The following DOCK8 variants were observed in gnomAD, a reference collection of about 807,000 sequenced individuals.
DOCK8 encodes dedicator of cytokinesis 8.
A neutral mutation model predicts 245.6 loss-of-function variants in DOCK8; 141 were observed. The observed-to-expected ratio is 0.57, with a 90% CI of 0.50 to 0.66. DOCK8 has a LOEUF of 0.66. Among genes scored for constraint, DOCK8 ranks in the 30% least tolerant of loss-of-function variants. The probability of loss-of-function intolerance (pLI) is 0.00; values close to 1 mark genes in which losing one functional copy is unlikely to be tolerated. For synonymous variants in DOCK8, 1,168 were observed against 970.2 expected, an observed-to-expected ratio of 1.20 and a Z score of -3.79; for missense variants, 2,965 against 2,603.4, an observed-to-expected ratio of 1.14 and a Z score of -3.02.
chr9:390,336 GCCT>G lies in DOCK8; in HGVS notation c.2875-134_2875-132del, dbSNP rs2054134928. Reference sequence around the variant, plus strand: ...CTGACTTTGCCATCCACCACTTACTGCCTAGAACATCTAAGACACATGCTTCAG... The same window carrying G: ...CTGACTTTGCCATCCACCACTTACTGAGAACATCTAAGACACATGCTTCAG... On this transcript the variant is annotated intron_variant, in intron 23 of 47. Transcript: ENST00000432829. 1.1e-5 allele frequency: 9 copies of G among 815,560 alleles called. No individual in the cohort carries two copies. The South Asian group carries it at 1.3e-4, about 12-fold the overall frequency. 50.5% of individuals were successfully genotyped at this position (815,560 alleles called of 1,614,324 possible). A position where few individuals can be genotyped will look rare whatever the true frequency, so the allele number is the denominator to read the frequency against.
chr9:404,201 A>G (rs2055309128), intron 26 of DOCK8, among the ~76,000 whole-genome samples: 1 of 151,436 alleles, frequency 6.6e-6, no homozygotes, highest in African/African-American at 2.4e-5. Flanking sequence ...TGGGTCTTTC[A>G]GTTGTTCAGC....
Position 428,388 on chromosome 9 carries a change from C to T in DOCK8, c.4365C>T (p.Asp1455=), listed in dbSNP as rs1334534931. 4.3e-6 allele frequency: 7 copies of T among 1,614,074 alleles called. No individual in the cohort carries two copies. Among genetic ancestry groups the T allele is most frequent in the Non-Finnish European group, 5.9e-6 (7 of 1,180,048 alleles). The part of the protein sequence containing the change: ...IQASSALDCK[D]SLLGGVLRVL... Reference sequence around the variant, plus strand: ...CGAGCTCGGCTCTGGACTGTAAAGACAGCCTGCTGGGAGGTGTTCTGAGGG... The same window carrying T: ...CGAGCTCGGCTCTGGACTGTAAAGATAGCCTGCTGGGAGGTGTTCTGAGGG... Residue 1455 remains aspartate (D), a synonymous_variant, in exon 35 of 48, where the codon GAC becomes GAT. Transcript: ENST00000432829.
At chr9:317,539 A>G (rs994391144) in intron 7 of DOCK8, among the ~76,000 whole-genome samples, 6 of 152,338 alleles carry the variant, frequency 3.9e-5, no homozygotes, top group East Asian at 1.9e-4. Context: ...GAAAGTATTT[A>G]CAATGTAGAA....
At chr9:301,328 G>T (rs1377075550) in intron 4 of DOCK8, among the ~76,000 whole-genome samples, 2 of 152,142 alleles carry the variant, frequency 1.3e-5, no homozygotes, top group Non-Finnish European at 2.9e-5. Context: ...ATTAGGCATT[G>T]AAAGAACATA....
chr9:339,919 C>T (rs2051497078), intron 13 of DOCK8, among the ~76,000 whole-genome samples: 1 of 152,174 alleles, frequency 6.6e-6, no homozygotes. Context: ...TTTAAAAATC[C>T]TCTAATCCAT....
intron 24 of DOCK8, among the ~76,000 whole-genome samples, chr9:392,797 T>C (rs977357583): frequency 1.3e-5 from 2 of 152,028 alleles, no homozygotes; most frequent in Admixed American, 1.3e-4. Context: ...CCCATTCCCC[T>C]CTTGTTTCTT....
intron 37 of DOCK8, 53 bp downstream of exon 37, chr9:432,377 A>G: frequency 6.5e-7 from 1 of 1,546,950 alleles, no homozygotes; most frequent in Non-Finnish European, 8.9e-7. Flanking sequence ...TCTGCCAACT[A>G]TTGTGTATGT....
intron 24 of DOCK8, among the ~76,000 whole-genome samples, chr9:391,275 T>A (rs7870089): frequency 7.8e-4 from 119 of 152,276 alleles, no homozygotes; most frequent in African/African-American, 2.8e-3. Context: ...TCCTCTATTA[T>A]CCTCCTTCTG....
At chr9:398,555 T>G (rs957050120) in intron 25 of DOCK8, among the ~76,000 whole-genome samples, 1 of 152,134 alleles carries the variant, frequency 6.6e-6, no homozygotes, top group Non-Finnish European at 1.5e-5. Context: ...AAATTAAAAA[T>G]TTTAAAAATA....
intron 1 of DOCK8, among the ~76,000 whole-genome samples, chr9:266,847 C>T (rs186571919): frequency 6.6e-6 from 1 of 152,246 alleles, no homozygotes; most frequent in Admixed American, 6.5e-5. Context: ...TATCTTAGCT[C>T]ATTAAGGAAA....
chr9:260,798 T>C (rs1487715946), intron 1 of DOCK8, among the ~76,000 whole-genome samples: 1 of 152,144 alleles, frequency 6.6e-6, no homozygotes, highest in African/African-American at 2.4e-5. Context: ...AAAATGAAGA[T>C]CACCAGCAAA....
intron 33 of DOCK8, among the ~76,000 whole-genome samples, chr9:424,276 G>C (rs369120779): frequency 4.0e-5 from 6 of 149,838 alleles, no homozygotes; most frequent in African/African-American, 1.5e-4. Flanking sequence ...GTGCCCAGCT[G>C]CACCCTAGAC....
At chr9:395,088 G>C (rs1430180147) in intron 24 of DOCK8, among the ~76,000 whole-genome samples, 1 of 152,164 alleles carries the variant, frequency 6.6e-6, no homozygotes, top group African/African-American at 2.4e-5. Flanking sequence ...CATAGTGAGA[G>C]AGAGGCTTTT....
At chr9:241,888 A>G (rs2047381949) in intron 1 of DOCK8, among the ~76,000 whole-genome samples, 1 of 152,188 alleles carries the variant, frequency 6.6e-6, no homozygotes, top group African/African-American at 2.4e-5. Flanking sequence ...AGCTAGGATT[A>G]CAGAGGTGAG....
chr9:240,862 A>T (rs1052044290), intron 1 of DOCK8, among the ~76,000 whole-genome samples: 4 of 152,198 alleles, frequency 2.6e-5, no homozygotes, highest in African/African-American at 9.6e-5. Context: ...TATCTCTTAA[A>T]TAAAAAAATA....
rs748189874 is a variant in DOCK8, at chr9:396,775, C to G, written c.2971-10C>G. 1 of 1,614,118 alleles carries G rather than the reference C, an allele frequency of 6.2e-7. No homozygotes were observed. The highest frequency in any genetic ancestry group is 8.5e-7 in the Non-Finnish European group (1 of 1,180,028). ...CTCCATGTTGACATTTCCTCCATCCCCCTCCGCAGGTGAAAAGCATGGCCC... is the reference window on the plus strand; with the variant it reads ...CTCCATGTTGACATTTCCTCCATCCGCCTCCGCAGGTGAAAAGCATGGCCC... On this transcript the variant is annotated splice_polypyrimidine_tract_variant and intron_variant, in intron 24 of 47. Coordinates refer to ENST00000432829, the MANE Select transcript of DOCK8 (RefSeq NM_203447.4).
At chr9:401,554 T>C (rs2055103032) in intron 26 of DOCK8, among the ~76,000 whole-genome samples, 1 of 152,120 alleles carries the variant, frequency 6.6e-6, no homozygotes, top group Non-Finnish European at 1.5e-5. Context: ...CATCGAGATT[T>C]TATGGGGTCT....
chr9:230,293 C>T (rs549152940), intron 1 of DOCK8, among the ~76,000 whole-genome samples: 4 of 127,762 alleles, frequency 3.1e-5, no homozygotes, highest in East Asian at 4.9e-4. Flanking sequence ...TTTCTTAATC[C>T]AGTCTATCGT....
intron 5 of DOCK8, among the ~76,000 whole-genome samples, chr9:306,422 C>G (rs2049831178): frequency 1.3e-5 from 2 of 152,182 alleles, no homozygotes; most frequent in African/African-American, 4.8e-5. Context: ...ACCCTACATG[C>G]TGACCAATTA....
Sources: gnomAD v4.1 joint callset for allele counts (sites outside exome capture counted in the v4.1 genomes callset) on GRCh38, gnomAD v4.1.1 for gene constraint, MANE v1.5 for transcripts, NCBI Gene and HGNC (gene_info 2026-07-23, HGNC 2026-07-21) for gene names.